The following ARPP21 variants were observed in gnomAD, a reference collection of about 807,000 sequenced individuals.
ARPP21 encodes cAMP-regulated phosphoprotein 21.
Under a neutral mutation model 113.2 loss-of-function variants are expected in ARPP21, and 69 were observed. The observed-to-expected ratio is 0.61, with a 90% CI of 0.50 to 0.74. The LOEUF is 0.74. ARPP21 is among the 30% of genes least tolerant of loss of function. ARPP21 has a pLI of 0.00. For missense variants in ARPP21, 1,070 were observed against 1,037.4 expected (o/e 1.03, Z -0.43); for synonymous variants, 368 against 375.5 (o/e 0.98, Z 0.23).
At chr3:35,764,215 A>G (rs1206716797) in intron 19 of ARPP21, among the ~76,000 whole-genome samples, 2 of 152,174 alleles carry the variant, frequency 1.3e-5, no homozygotes, top group Non-Finnish European at 2.9e-5. Flanking sequence ...TGAAAAAATA[A>G]CATTTAATTT....
intron 1 of ARPP21, among the ~76,000 whole-genome samples, chr3:35,657,967 G>C (rs1189516344): frequency 2.0e-5 from 3 of 152,126 alleles, no homozygotes; most frequent in African/African-American, 7.2e-5. Flanking sequence ...CAAATGTTGA[G>C]TATGCACTTT....
chr3:35,719,628 T>A (rs892614796), intron 13 of ARPP21, among the ~76,000 whole-genome samples: 8 of 152,108 alleles, frequency 5.3e-5, no homozygotes, highest in African/African-American at 1.9e-4. Flanking sequence ...ATTCCTGCCA[T>A]GGAGGTGCAG....
chr3:35,641,007 G>C (rs1697878265), intron 1 of ARPP21: 1 of 152,140 alleles, frequency 6.6e-6, no homozygotes, highest in Admixed American at 6.5e-5. Context: ...TGTGGTTGCT[G>C]TCAGCTATTC....
chr3:35,751,129 G>T (rs1048676409), intron 19 of ARPP21, among the ~76,000 whole-genome samples: 7 of 152,110 alleles, frequency 4.6e-5, no homozygotes, highest in African/African-American at 1.7e-4. Context: ...AGAGTAAAGA[G>T]GGTAAAAAAG....
At position 35,738,317 on chromosome 3, in the gene ARPP21, T is replaced by C. The variant is rs1307440489; in HGVS notation, c.1748T>C (p.Met583Thr). 5 of 1,524,084 alleles carry C rather than the reference T, an allele frequency of 3.3e-6. No homozygotes were observed. The African/African-American group carries it at 4.1e-5, about 13-fold the overall frequency. The allele number at this position is 1,524,084 out of a possible 1,614,324, so 94.4% of individuals were successfully genotyped here. A position where few individuals can be genotyped will look rare whatever the true frequency, so the allele number is the denominator to read the frequency against. The change falls in exon 17 of 21, where the codon ATG becomes ACG. Residue 583 changes from methionine to threonine, a missense_variant and splice_region_variant. Transcript: ENST00000684406. ...LPVSPTQHFP[M>T]RDDVATQFGQ... ...GTGTCTCCAACGCAGCACTTTCCCA[T>C]GGTACTGTATTATGTGTATATGACT...
intron 19 of ARPP21, among the ~76,000 whole-genome samples, chr3:35,756,848 C>T (rs569832219): frequency 6.6e-6 from 1 of 152,092 alleles, no homozygotes; most frequent in African/African-American, 2.4e-5. Context: ...TTGCAGAATG[C>T]AGGATATTGC....
At chr3:35,672,078 G>A (rs562806585) in intron 1 of ARPP21, among the ~76,000 whole-genome samples, 177 of 152,136 alleles carry the variant, frequency 1.2e-3, no homozygotes, top group African/African-American at 3.9e-3. Flanking sequence ...AGAAGACATT[G>A]AGAAAACCCT....
intron 19 of ARPP21, among the ~76,000 whole-genome samples, chr3:35,747,501 A>C (rs755360147): frequency 6.6e-6 from 1 of 152,232 alleles, no homozygotes; most frequent in Non-Finnish European, 1.5e-5. Flanking sequence ...TCTCCAACAG[A>C]AGAATCCGTT....
chr3:35,694,824 TG>T (rs1454475618), intron 9 of ARPP21, among the ~76,000 whole-genome samples: 1 of 150,554 alleles, frequency 6.6e-6, no homozygotes, highest in East Asian at 2.0e-4. Context: ...CCCTACAACT[TG>T]ATAGGTCTTG....
At chr3:35,679,755 A>G (rs1231326876) in intron 1 of ARPP21, 32 bp from the exon 2 acceptor site, 2 of 152,120 alleles carry the variant, frequency 1.3e-5, no homozygotes, top group African/African-American at 4.8e-5. Context: ...GATTATTGCA[A>G]TTATTATTAT....
chr3:35,790,767 G>A (rs2096732047), intron 19 of ARPP21, among the ~76,000 whole-genome samples: 1 of 152,194 alleles, frequency 6.6e-6, no homozygotes, highest in South Asian at 2.1e-4. Flanking sequence ...TCAAGGAAAT[G>A]TGGTTATTAC....
chr3:35,751,320 C>T (rs1383663329), intron 19 of ARPP21, among the ~76,000 whole-genome samples: 2 of 152,194 alleles, frequency 1.3e-5, no homozygotes, highest in East Asian at 1.9e-4. Context: ...TTTCATAGAG[C>T]ATTTTCCATT....
At chr3:35,702,130 G>A (rs766028513) in intron 9 of ARPP21, among the ~76,000 whole-genome samples, 10 of 151,252 alleles carry the variant, frequency 6.6e-5, no homozygotes, top group East Asian at 3.9e-4. Flanking sequence ...CTGTTATCCC[G>A]CCATCAGACA....
At chr3:35,665,833 C>T (rs984700813) in intron 1 of ARPP21, among the ~76,000 whole-genome samples, 1 of 152,126 alleles carries the variant, frequency 6.6e-6, no homozygotes, top group Non-Finnish European at 1.5e-5. Flanking sequence ...TGCTTGTTCT[C>T]ATCAAGGTAT....
At position 35,690,876 on chromosome 3, in the gene ARPP21, A is replaced by T; in HGVS notation, c.557A>T (p.Lys186Ile). 6.2e-7 allele frequency: 1 copy of T among 1,604,662 alleles called. No individual in the cohort carries two copies. The highest frequency in any genetic ancestry group is 2.2e-5 in the East Asian group (1 of 44,682). The change falls in exon 9 of 21, where the codon AAA becomes ATA. Residue 186 changes from lysine to isoleucine, a missense_variant. Transcript: ENST00000684406. ...GAATTATGTTCTAGTAATCATTATA[A>T]AAAGTTCCCTCAGATGTCATCGTAT... The part of the protein sequence containing the change: ...DFIADNNNHY[K>I]KFPQMSSYQR...
chr3:35,748,924 G>T (rs1329718169), intron 19 of ARPP21, among the ~76,000 whole-genome samples: 1 of 152,204 alleles, frequency 6.6e-6, no homozygotes, highest in Admixed American at 6.5e-5. Context: ...GCTCAGGGAG[G>T]TGAAATAAAT....
rs1256367854 is a variant in ARPP21, at chr3:35,639,657, C to T, written c.-954C>T. The T allele has an allele frequency of 6.5e-6, 1 of 153,110 alleles. No homozygotes were observed. The allele number at this position is 153,110 out of a possible 1,614,324, so 9.5% of individuals were successfully genotyped here. A position where few individuals can be genotyped will look rare whatever the true frequency, so the allele number is the denominator to read the frequency against. On this transcript the variant is annotated 5_prime_UTR_variant, in exon 1 of 21. Coordinates refer to ENST00000684406, the MANE Select transcript of ARPP21 (RefSeq NM_001385562.1). The surrounding 1 kb of genome is among the most constrained non-coding windows in gnomAD (Gnocchi z 5.0). ...AGCCTGAGAGAGGGAGACCAGAACG[C>T]AAAGAGAGCGAGAGCATTAAGTAGG...
intron 1 of ARPP21, among the ~76,000 whole-genome samples, chr3:35,667,998 AG>A (rs1192848538): frequency 1.3e-5 from 2 of 150,122 alleles, no homozygotes; most frequent in African/African-American, 5.0e-5. Flanking sequence ...AAGAAGAAGA[AG>A]AAGAAGAAGA....
intron 5 of ARPP21, chr3:35,684,197 T>A: frequency 7.5e-7 from 1 of 1,330,402 alleles, no homozygotes; most frequent in Admixed American, 3.3e-5. Flanking sequence ...ACCTCTCAGC[T>A]CCCCAAAATG....
Sources: allele counts gnomAD v4.1 joint callset (sites outside exome capture counted in the v4.1 genomes callset), GRCh38; gene constraint gnomAD v4.1.1; non-coding constraint Gnocchi (gnomAD v3.1); transcripts MANE v1.5; gene names NCBI Gene and HGNC (gene_info 2026-07-23, HGNC 2026-07-21).